Variants in DOCK10 observed in about 807,000 individuals in gnomAD.
The protein encoded by DOCK10 is dedicator of cytokinesis 10.
In DOCK10, 145 loss-of-function variants were observed where a neutral mutation model predicts 280.1. The observed-to-expected ratio is 0.52, with a 90% confidence interval of 0.45 to 0.59. The LOEUF (loss-of-function observed/expected upper bound fraction) is 0.59. DOCK10 is among the 20% of genes least tolerant of loss of function. The probability of loss-of-function intolerance (pLI) is 0.00; values close to 1 mark genes in which losing one functional copy is unlikely to be tolerated. For missense variants in DOCK10, 2,368 were observed against 2,651.7 expected, an observed-to-expected ratio of 0.89 and a Z score of 2.35; for synonymous variants, 915 against 942.2, an observed-to-expected ratio of 0.97 and a Z score of 0.53.
At chr2:225,029,426 C>A (rs779859437) in intron 1 of DOCK10, among the ~76,000 whole-genome samples, 1 of 152,202 alleles carries the variant, frequency 6.6e-6, no homozygotes, top group Non-Finnish European at 1.5e-5. Context: ...CCTGCCTCGG[C>A]CTCCCATAGT....
At chr2:224,838,126 A>G (rs1301035839) in intron 24 of DOCK10, among the ~76,000 whole-genome samples, 1 of 152,226 alleles carries the variant, frequency 6.6e-6, no homozygotes, top group African/African-American at 2.4e-5. Context: ...TCCAAGTTGA[A>G]TGTGCTAATT....
At chr2:224,927,426 G>A (rs368266801) in intron 2 of DOCK10, among the ~76,000 whole-genome samples, 5 of 152,276 alleles carry the variant, frequency 3.3e-5, no homozygotes, top group East Asian at 3.9e-4. Context: ...GAATCAAAGC[G>A]GAGCAAAGAA....
rs1282329415 is a variant in DOCK10, at chr2:224,940,583, C to A, written c.124-8915G>T. On this transcript the variant is annotated intron_variant, in intron 1 of 55. Coordinates refer to ENST00000258390, the MANE Select transcript of DOCK10 (RefSeq NM_014689.3). ...GAAAAGTACACCAGGTATCAAGCAT[C>A]CTGAAAATGGGGGCTTAAGAACCTT... Among the ~76,000 whole-genome samples the A allele has an allele frequency of 2.6e-5, 4 of 152,136 alleles. No homozygotes were observed. In the East Asian group the frequency reaches 7.7e-4, roughly 29 times the overall value.
intron 28 of DOCK10, among the ~76,000 whole-genome samples, chr2:224,821,224 C>G (rs1442690189): frequency 6.6e-6 from 1 of 152,164 alleles, no homozygotes; most frequent in Non-Finnish European, 1.5e-5. Context: ...AGAGGTTCTT[C>G]TTGATTCTTG....
At chr2:224,866,528 G>T (rs748320320) in intron 11 of DOCK10, among the ~76,000 whole-genome samples, 16 of 152,052 alleles carry the variant, frequency 1.1e-4, no homozygotes, top group Non-Finnish European at 1.8e-4. Context: ...ATTACCCCCA[G>T]GTCTTGCTAC....
intron 1 of DOCK10, chr2:224,947,057 A>G (rs994730342): frequency 1.4e-6 from 2 of 1,415,716 alleles, no homozygotes; most frequent in Non-Finnish European, 1.8e-6. Context: ...TCTTGGTAAA[A>G]AGGGAAATGC....
At chr2:224,947,821 T>G (rs961708776) in intron 1 of DOCK10, among the ~76,000 whole-genome samples, 8 of 152,224 alleles carry the variant, frequency 5.3e-5, no homozygotes, top group African/African-American at 1.9e-4. Flanking sequence ...CCAGGCTGTA[T>G]GTTCCATGAG....
intron 1 of DOCK10, among the ~76,000 whole-genome samples, chr2:224,947,273 G>A (rs869062): frequency 0.56 from 85,647 of 152,044 alleles, 25,043 homozygotes; most frequent in Non-Finnish European, 0.64. Context: ...AAAACCACCC[G>A]TGCAACCAAA....
intron 1 of DOCK10, among the ~76,000 whole-genome samples, chr2:224,981,968 A>C (rs1193060329): frequency 6.6e-6 from 1 of 152,244 alleles, no homozygotes; most frequent in African/African-American, 2.4e-5. Context: ...CATGAGGCAG[A>C]AGAGAATTTC....
At chr2:224,819,034 A>G (rs1694334751) in intron 29 of DOCK10, among the ~76,000 whole-genome samples, 2 of 152,168 alleles carry the variant, frequency 1.3e-5, no homozygotes, top group South Asian at 4.1e-4. Flanking sequence ...ACTGCTCTAG[A>G]GTTCTCTTTA....
chr2:224,836,971 TAC>T (rs1235121255), intron 25 of DOCK10, among the ~76,000 whole-genome samples: 1 of 152,110 alleles, frequency 6.6e-6, no homozygotes, highest in Non-Finnish European at 1.5e-5. Flanking sequence ...ATTAAGAGAA[TAC>T]AGTTTTTTGA....
At chr2:224,899,629 G>A (rs1453408966) in intron 3 of DOCK10, among the ~76,000 whole-genome samples, 2 of 152,114 alleles carry the variant, frequency 1.3e-5, no homozygotes, top group African/African-American at 4.8e-5. Flanking sequence ...TGAGACTTGA[G>A]CAAAGATGTA....
At chr2:224,891,981 T>A (rs1208624185) in intron 4 of DOCK10, among the ~76,000 whole-genome samples, 1 of 152,194 alleles carries the variant, frequency 6.6e-6, no homozygotes, top group Admixed American at 6.5e-5. Context: ...AGAGCTGCAA[T>A]AATGTCAACC....
intron 40 of DOCK10, among the ~76,000 whole-genome samples, chr2:224,800,750 G>A (rs1692925904): frequency 6.6e-6 from 1 of 152,192 alleles, no homozygotes; most frequent in Non-Finnish European, 1.5e-5. Context: ...TATTTGAAGA[G>A]ATTTATTGTG....
At chr2:224,782,151 C>T (rs1288456376) in intron 50 of DOCK10, among the ~76,000 whole-genome samples, 1 of 152,134 alleles carries the variant, frequency 6.6e-6, no homozygotes, top group Non-Finnish European at 1.5e-5. Context: ...TGGCCTAGAT[C>T]AGCGACTTTC....
chr2:224,820,095 T>C (rs557743624), intron 28 of DOCK10, among the ~76,000 whole-genome samples: 1 of 152,352 alleles, frequency 6.6e-6, no homozygotes, highest in Non-Finnish European at 1.5e-5. Context: ...GAAAGCCTTT[T>C]AAATCTCACT....
At chr2:224,839,803 G>A in intron 24 of DOCK10, 151 bp downstream of exon 24, 1 of 428,362 alleles carries the variant, frequency 2.3e-6, no homozygotes, top group Non-Finnish European at 4.2e-6. Context: ...GAGATTAGAA[G>A]GTAAGGAGTC....
chr2:224,784,615 C>G (rs895557463), intron 50 of DOCK10: 4 of 896,304 alleles, frequency 4.5e-6, no homozygotes, highest in Non-Finnish European at 6.3e-6. Context: ...GCAGGATTAT[C>G]TCTCCCTTTG....
intron 50 of DOCK10, among the ~76,000 whole-genome samples, chr2:224,780,125 A>C (rs191779678): frequency 4.9e-4 from 74 of 152,320 alleles, no homozygotes; most frequent in African/African-American, 1.6e-3. Flanking sequence ...TTTCTTCGAG[A>C]AATGTTCAAG....
Sources: gnomAD v4.1 joint callset for allele counts (sites outside exome capture counted in the v4.1 genomes callset) on GRCh38, gnomAD v4.1.1 for gene constraint, MANE v1.5 for transcripts, NCBI Gene and HGNC (gene_info 2026-07-23, HGNC 2026-07-21) for gene names.